Variants in GPM6A observed in about 807,000 individuals in gnomAD.
GPM6A encodes the protein neuronal membrane glycoprotein M6-a.
GPM6A carries 7 observed loss-of-function variants against 32.1 expected under a neutral mutation model. The ratio of observed to expected loss-of-function variants is 0.22; its 90% CI spans 0.12 to 0.41. The LOEUF (loss-of-function observed/expected upper bound fraction) is 0.41. GPM6A is among the 10% of genes least tolerant of loss of function. The pLI is 1.00. For missense variants in GPM6A, 235 were observed against 347.2 expected, an observed-to-expected ratio of 0.68 and a Z score of 2.57; for synonymous variants, 130 against 123.4, an observed-to-expected ratio of 1.05 and a Z score of -0.35.
At chr4:175,903,817 G>A (rs1738041152) in intron 1 of GPM6A, among the ~76,000 whole-genome samples, 1 of 152,056 alleles carries the variant, frequency 6.6e-6, no homozygotes, top group African/African-American at 2.4e-5. Context: ...TCCAGTGGAG[G>A]GTCCTGGAGT....
chr4:175,835,645 AT>A (rs912946430), intron 1 of GPM6A, among the ~76,000 whole-genome samples: 351 of 146,540 alleles, frequency 2.4e-3, no homozygotes, highest in African/African-American at 8.1e-3. Flanking sequence ...ATATATATAT[AT>A]ATATGCTTGT....
At chr4:175,857,314 C>CTGAG (rs1405216622) in intron 1 of GPM6A, among the ~76,000 whole-genome samples, 1 of 151,990 alleles carries the variant, frequency 6.6e-6, no homozygotes, top group East Asian at 1.9e-4. Context: ...TCAGTACTGA[C>CTGAG]TGAGAGGAGA....
chr4:175,692,256 C>T (rs1744340695), intron 2 of GPM6A, among the ~76,000 whole-genome samples: 1 of 151,936 alleles, frequency 6.6e-6, no homozygotes, highest in Non-Finnish European at 1.5e-5. Flanking sequence ...GGGATAAATT[C>T]CTAGAAAAAA....
At position 175,637,377 on chromosome 4, in the gene GPM6A, T is replaced by G. The variant is rs1437410702; in HGVS notation, c.685-2320A>C. 6.8e-4 allele frequency among the ~76,000 whole-genome samples: 59 copies of G among 86,954 alleles called. 2 individuals are homozygous for G. Among genetic ancestry groups the G allele is most frequent in the Admixed American group, 1.1e-3 (6 of 5,240 alleles). 57.0% of individuals were successfully genotyped at this position (86,954 alleles called of 152,430 possible). A position where few individuals can be genotyped will look rare whatever the true frequency, so the allele number is the denominator to read the frequency against. ...TATATAATATATAACATATAATATA[T>G]TATATAATATATAATAATATAATAT... is the stretch of plus-strand genomic sequence containing the variant. On this transcript the variant is annotated intron_variant, in intron 6 of 6. Transcript: ENST00000393658.
chr4:175,963,509 T>C (rs551779531), intron 1 of GPM6A, among the ~76,000 whole-genome samples: 6 of 152,088 alleles, frequency 3.9e-5, no homozygotes, highest in Non-Finnish European at 7.4e-5. Context: ...TAGTAAATAT[T>C]TAAACTGTTA....
chr4:175,675,970 G>C (rs941765066), intron 2 of GPM6A, among the ~76,000 whole-genome samples: 1 of 152,096 alleles, frequency 6.6e-6, no homozygotes, highest in Non-Finnish European at 1.5e-5. Context: ...ATCCCCATGT[G>C]TCATGGGAGA....
intron 1 of GPM6A, among the ~76,000 whole-genome samples, chr4:175,754,647 A>C (rs920720439): frequency 6.6e-6 from 1 of 152,176 alleles, no homozygotes; most frequent in Non-Finnish European, 1.5e-5. Flanking sequence ...GCACAATAAC[A>C]CTCAAAGTAA....
rs146663189 is a variant in GPM6A, at chr4:175,682,479, A to C, written c.231-8643T>G. ...GAAATATGCATAACGGAAAAAGAGC[A>C]AAGTACTAATATCCAAGACAATGGA... On this transcript the variant is annotated intron_variant, in intron 2 of 6. Transcript: ENST00000393658. Among the ~76,000 whole-genome samples, 396 of 152,292 alleles carry C rather than the reference A, an allele frequency of 2.6e-3. 2 individuals are homozygous for C. Among genetic ancestry groups the C allele is most frequent in the African/African-American group, 8.9e-3 (368 of 41,564 alleles).
At chr4:175,910,638 A>G (rs1451788592) in intron 1 of GPM6A, among the ~76,000 whole-genome samples, 2 of 152,156 alleles carry the variant, frequency 1.3e-5, no homozygotes, top group African/African-American at 4.8e-5. Context: ...ACCCTTCTAC[A>G]TGACCTCCCA....
chr4:175,916,425 T>C (rs1397318010), intron 1 of GPM6A, among the ~76,000 whole-genome samples: 1 of 152,206 alleles, frequency 6.6e-6, no homozygotes, highest in Non-Finnish European at 1.5e-5. Flanking sequence ...TTTAGCAAAA[T>C]GTGAAGTTTT....
intron 1 of GPM6A, among the ~76,000 whole-genome samples, chr4:175,936,950 A>G (rs1739260840): frequency 6.6e-6 from 1 of 152,168 alleles, no homozygotes; most frequent in African/African-American, 2.4e-5. Context: ...CTTCATCTTG[A>G]CTATTGTGGA....
intron 1 of GPM6A, among the ~76,000 whole-genome samples, chr4:175,946,275 T>G (rs1739603038): frequency 6.6e-6 from 1 of 152,202 alleles, no homozygotes; most frequent in African/African-American, 2.4e-5. Context: ...CAGGAAAATT[T>G]TTAAACAAAT....
At chr4:175,947,174 A>T (rs1739635133) in intron 1 of GPM6A, among the ~76,000 whole-genome samples, 1 of 129,998 alleles carries the variant, frequency 7.7e-6, no homozygotes, top group Non-Finnish European at 1.7e-5. Context: ...TTAAAATCTA[A>T]CTACAGAGTC....
At chr4:175,797,708 T>A (rs1319996106) in intron 1 of GPM6A, among the ~76,000 whole-genome samples, 2 of 152,220 alleles carry the variant, frequency 1.3e-5, no homozygotes, top group Non-Finnish European at 2.9e-5. Context: ...AGGGCTTATG[T>A]ACATGATTGT....
chr4:175,943,138 T>C (rs778481140), intron 1 of GPM6A, among the ~76,000 whole-genome samples: 3 of 152,126 alleles, frequency 2.0e-5, no homozygotes, highest in East Asian at 3.9e-4. Context: ...ATTCTCTTTG[T>C]AGCAATTGTG....
At chr4:175,725,486 T>G (rs2111126707) in intron 1 of GPM6A, among the ~76,000 whole-genome samples, 1 of 152,004 alleles carries the variant, frequency 6.6e-6, no homozygotes, top group South Asian at 2.1e-4. Context: ...AGAGATGAGG[T>G]CTCACAATAT....
At chr4:175,818,631 G>A (rs1032142597) in intron 1 of GPM6A, among the ~76,000 whole-genome samples, 1 of 152,170 alleles carries the variant, frequency 6.6e-6, no homozygotes, top group African/African-American at 2.4e-5. Context: ...AACGAATAAT[G>A]ATGTACAAAT....
chr4:175,736,812 T>C (rs1031426724), intron 1 of GPM6A, among the ~76,000 whole-genome samples: 4 of 152,242 alleles, frequency 2.6e-5, no homozygotes, highest in Non-Finnish European at 4.4e-5. Context: ...AGAGACAGCA[T>C]ATATGACTGT....
At chr4:175,893,801 C>T (rs1737715517) in intron 1 of GPM6A, among the ~76,000 whole-genome samples, 1 of 152,098 alleles carries the variant, frequency 6.6e-6, no homozygotes, top group African/African-American at 2.4e-5. Flanking sequence ...TAAGTTTATT[C>T]TAGGAATGTG....
Sources: gnomAD v4.1 joint callset for allele counts (sites outside exome capture counted in the v4.1 genomes callset) on GRCh38, gnomAD v4.1.1 for gene constraint, MANE v1.5 for transcripts, NCBI Gene and HGNC (gene_info 2026-07-23, HGNC 2026-07-21) for gene names.